Variants in IGF2R observed in about 807,000 individuals in gnomAD.
The protein encoded by IGF2R is cation-independent mannose-6-phosphate receptor.
Under a neutral mutation model 270.6 loss-of-function variants are expected in IGF2R, and 91 were observed. The ratio of observed to expected loss-of-function variants is 0.34; its 90% CI spans 0.28 to 0.40. The LOEUF (loss-of-function observed/expected upper bound fraction) is 0.40, where lower values mean the gene tolerates loss of function less well. Ranked by LOEUF, IGF2R falls within the 10% of genes least tolerant of loss-of-function variation. The pLI, the probability that IGF2R is intolerant of heterozygous loss-of-function variation, is 1.00. For missense variants in IGF2R, 2,805 were observed against 3,188.3 expected (o/e 0.88, Z 2.90); for synonymous variants, 1,316 against 1,258.9 (o/e 1.05, Z -0.96).
Position 160,102,075 on chromosome 6 carries a change from G to A in IGF2R, c.6843-444G>A, listed in dbSNP as rs1779498941. ...AGGCCCCCTGGGCCCCTTTCGTGTG[G>A]AGATGGTGTCTCATGGTGGGCTGCG... On this transcript the variant is annotated intron_variant, in intron 45 of 47. Coordinates refer to ENST00000356956, the MANE Select transcript of IGF2R (RefSeq NM_000876.4). The surrounding 1 kb of genome is among the most constrained non-coding windows in gnomAD (Gnocchi z 4.5). Among the ~76,000 whole-genome samples, 1 of 152,222 alleles carries A rather than the reference G, an allele frequency of 6.6e-6. No individual in the cohort carries two copies. Among genetic ancestry groups the A allele is most frequent in the Non-Finnish European group, 1.5e-5 (1 of 68,038 alleles).
intron 4 of IGF2R, among the ~76,000 whole-genome samples, chr6:160,017,892 C>T (rs1380100006): frequency 6.6e-6 from 1 of 152,110 alleles, no homozygotes; most frequent in East Asian, 1.9e-4. Context: ...TTGATACTTG[C>T]TATCATAAAA....
intron 8 of IGF2R, 81 bp from the exon 9 acceptor site, chr6:160,032,861 G>A: frequency 7.1e-7 from 1 of 1,399,922 alleles, no homozygotes; most frequent in South Asian, 1.3e-5. Context: ...ATAGGATTCA[G>A]GTTTGACTAA....
At chr6:159,991,895 C>T (rs1207463850) in intron 2 of IGF2R, among the ~76,000 whole-genome samples, 2 of 152,150 alleles carry the variant, frequency 1.3e-5, no homozygotes, top group African/African-American at 2.4e-5. Flanking sequence ...GGGTCAGGAT[C>T]GCTATCCTTC....
chr6:160,044,362 G>C (rs1411608142), intron 12 of IGF2R, 152 bp from the exon 13 acceptor site: 1 of 721,988 alleles, frequency 1.4e-6, no homozygotes, highest in Non-Finnish European at 2.3e-6. Context: ...GCCTTGGTGG[G>C]TTCAGGGGGC....
At chr6:160,068,636 A>G (rs1221891486) in intron 30 of IGF2R, among the ~76,000 whole-genome samples, 309 of 93,308 alleles carry the variant, frequency 3.3e-3, no homozygotes, top group East Asian at 4.7e-3. Context: ...GTGAGAGAGG[A>G]CCTCCTCATG....
At chr6:160,089,419 C>G (rs1779169343) in intron 43 of IGF2R, among the ~76,000 whole-genome samples, 166 bp downstream of exon 43, 1 of 152,112 alleles carries the variant, frequency 6.6e-6, no homozygotes, top group African/African-American at 2.4e-5. Context: ...AAGCGTTACT[C>G]AATCATTAAG....
intron 16 of IGF2R, 112 bp downstream of exon 16, chr6:160,047,448 C>A: frequency 1.1e-6 from 1 of 944,370 alleles, no homozygotes; most frequent in Non-Finnish European, 1.5e-6. Flanking sequence ...TCATCACCGT[C>A]ATTAGATTTG....
Position 160,040,187 on chromosome 6 carries a change from G to T in IGF2R, c.1316-373G>T, listed in dbSNP as rs8191771. On this transcript the variant is annotated intron_variant, in intron 10 of 47. Transcript: ENST00000356956. ...CTGTCCTCCTTTCTGTGAGTCCCCA[G>T]TGTCACCCAGAGATGTTCAGGAGCC... Among the ~76,000 whole-genome samples, 491 of 152,282 alleles carry T rather than the reference G, an allele frequency of 3.2e-3. 7 individuals are homozygous for T. The East Asian group carries it at 0.042, about 13-fold the overall frequency.
At chr6:160,103,334 A>G (rs1779533695) in intron 46 of IGF2R, among the ~76,000 whole-genome samples, 1 of 151,558 alleles carries the variant, frequency 6.6e-6, no homozygotes, top group Non-Finnish European at 1.5e-5. Context: ...AAAAAAAAAA[A>G]GTACCGATTG....
chr6:160,023,897 A>G (rs1176328869), intron 4 of IGF2R, among the ~76,000 whole-genome samples: 1 of 152,170 alleles, frequency 6.6e-6, no homozygotes, highest in Non-Finnish European at 1.5e-5. Context: ...GTTAGAGGGA[A>G]GGTGAGAAGT....
chr6:160,050,720 C>A lies in IGF2R; in HGVS notation c.2694+68C>A. 1 of 1,396,578 alleles carries A rather than the reference C, an allele frequency of 7.2e-7. No individual in the cohort carries two copies. Among genetic ancestry groups the A allele is most frequent in the Non-Finnish European group, 9.7e-7 (1 of 1,027,110 alleles). The allele number at this position is 1,396,578 out of a possible 1,614,324, so 86.5% of individuals were successfully genotyped here. A position where few individuals can be genotyped will look rare whatever the true frequency, so the allele number is the denominator to read the frequency against. The stretch of plus-strand genomic sequence containing the variant: ...TTTGACTGAGCGTTGCCTTATGTGT[C>A]TCTTAACAGCAGCAGTCTTGGGGTG... On this transcript the variant is annotated intron_variant, in intron 19 of 47. Coordinates refer to ENST00000356956, the MANE Select transcript of IGF2R (RefSeq NM_000876.4). This position sits in a 1 kb window ranked among gnomAD's most constrained non-coding sequence, Gnocchi z 4.0.
chr6:159,978,909 G>A (rs1044574490), intron 1 of IGF2R, among the ~76,000 whole-genome samples: 1 of 152,218 alleles, frequency 6.6e-6, no homozygotes, highest in African/African-American at 2.4e-5. Flanking sequence ...AGGGCAAGTT[G>A]TCCAGGAAGA....
chr6:160,010,166 T>A (rs1784310968), intron 3 of IGF2R, among the ~76,000 whole-genome samples: 1 of 152,220 alleles, frequency 6.6e-6, no homozygotes, highest in Non-Finnish European at 1.5e-5. Context: ...CAGTTCCTGC[T>A]GTGCTTGTGT....
At position 160,058,944 on chromosome 6, in the gene IGF2R, C is replaced by T; in HGVS notation, c.2937C>T (p.Ile979=). 6.2e-7 allele frequency: 1 copy of T among 1,614,204 alleles called. No individual in the cohort carries two copies. The highest frequency in any genetic ancestry group is 8.5e-7 in the Non-Finnish European group (1 of 1,180,030). Residue 979 remains isoleucine (I), a synonymous_variant, in exon 22 of 48, where the codon ATC becomes ATT. Coordinates refer to ENST00000356956, the MANE Select transcript of IGF2R (RefSeq NM_000876.4). ...GCACAATGCCTGTCTGTGGGACCAT[C>T]CTGGGAAAACCTGCTTCTGGCTGTG... ...VCGTMPVCGT[I]LGKPASGCEA... is the part of the protein sequence containing the mutation.
chr6:160,060,584 T>C lies in IGF2R; in HGVS notation c.3129T>C (p.Asn1043=). Residue 1043 remains asparagine (N), a synonymous_variant, in exon 23 of 48, where the codon AAT becomes AAC. Transcript: ENST00000356956. ...CTTTTATCGTCCGCTTTGTTTGCAA[T>C]GATGATGTTTACTCAGGGCCCCTCA... ...ADAFIVRFVC[N]DDVYSGPLKF... 1 of 1,614,274 alleles carries C rather than the reference T, an allele frequency of 6.2e-7. No homozygotes were observed. The highest frequency in any genetic ancestry group is 8.5e-7 in the Non-Finnish European group (1 of 1,180,048).
rs760868208 is a variant in IGF2R, at chr6:160,047,178, T to G, written c.2071T>G (p.Leu691Val). 2 of 1,614,094 alleles carry G rather than the reference T, an allele frequency of 1.2e-6. No individual in the cohort carries two copies. Among genetic ancestry groups the G allele is most frequent in the African/African-American group, 1.3e-5 (1 of 75,036 alleles). Residue 691 changes from leucine to valine, a missense_variant, in exon 16 of 48, where the codon TTG (leucine) becomes GTG (valine). Leu to Val is a conservative substitution (Grantham distance 32). Coordinates refer to ENST00000356956, the MANE Select transcript of IGF2R (RefSeq NM_000876.4). ...TTTCAGTGATGAGAAGACTTGGAAC[T>G]TGGGTCTGAGTAATGCGAAGCTTTC... Reference protein sequence around the residue: ...VAKSDEKTWNLGLSNAKLSYY... With the variant: ...VAKSDEKTWNVGLSNAKLSYY...
At chr6:160,002,590 G>T (rs555870669) in intron 2 of IGF2R, among the ~76,000 whole-genome samples, 19 of 152,294 alleles carry the variant, frequency 1.2e-4, no homozygotes, top group African/African-American at 3.6e-4. Context: ...GACCTGGGAA[G>T]TTCAGACCTT....
intron 29 of IGF2R, among the ~76,000 whole-genome samples, chr6:160,065,814 G>GTGTATATATATATATATATA: frequency 4.5e-4 from 35 of 78,376 alleles, no homozygotes; most frequent in Non-Finnish European, 7.0e-4. Flanking sequence ...GTGTGTGTGT[G>GTGTATATATATATATATATA]TATATATATA....
In IGF2R at chr6:160,105,020, C is replaced by A; in HGVS notation, c.7412C>A (p.Thr2471Lys). 6.2e-7 allele frequency: 1 copy of A among 1,612,852 alleles called. No homozygotes were observed. Among genetic ancestry groups the A allele is most frequent in the Non-Finnish European group, 8.5e-7 (1 of 1,179,402 alleles). The change falls in exon 48 of 48, where the codon ACA becomes AAA. Residue 2471 changes from threonine (T) to lysine (K), a missense_variant. Thr to Lys is a moderately conservative substitution (Grantham distance 78, BLOSUM62 -1). Coordinates refer to ENST00000356956, the MANE Select transcript of IGF2R (RefSeq NM_000876.4). Reference protein sequence around the residue: ...KGKSSSAQQKTVSSTKLVSFH... With the variant: ...KGKSSSAQQKKVSSTKLVSFH... ...AAGTCCAGCTCTGCACAGCAGAAGACAGTGAGCTCCACCAAGCTGGTGTCC... is the reference window on the plus strand; with the variant it reads ...AAGTCCAGCTCTGCACAGCAGAAGAAAGTGAGCTCCACCAAGCTGGTGTCC...
Sources: gnomAD v4.1 joint callset for allele counts (sites outside exome capture counted in the v4.1 genomes callset) on GRCh38, gnomAD v4.1.1 for gene constraint, Gnocchi (gnomAD v3.1) non-coding constraint, MANE v1.5 for transcripts, NCBI Gene and HGNC (gene_info 2026-07-23, HGNC 2026-07-21) for gene names.